Variants in SOX5 observed in about 807,000 individuals in gnomAD.
The protein encoded by SOX5 is transcription factor SOX-5.
SOX5 carries 9 observed loss-of-function variants against 92.0 expected under a neutral mutation model. The ratio of observed to expected loss-of-function variants is 0.10; its 90% confidence interval spans 0.06 to 0.17. The LOEUF (loss-of-function observed/expected upper bound fraction) is 0.17, where lower values mean the gene tolerates loss of function less well. Ranked by LOEUF, SOX5 falls within the 10% of genes least tolerant of loss-of-function variation. SOX5 has a pLI of 1.00. For missense variants in SOX5, 642 were observed against 944.5 expected, an observed-to-expected ratio of 0.68 and a Z score of 4.20; for synonymous variants, 344 against 336.3, an observed-to-expected ratio of 1.02 and a Z score of -0.25.
intron 6 of SOX5, among the ~76,000 whole-genome samples, chr12:23,705,627 A>G (rs903621171): frequency 2.0e-5 from 3 of 151,994 alleles, no homozygotes; most frequent in Non-Finnish European, 2.9e-5. Flanking sequence ...TTATTTTCCT[A>G]CCAGGCATCT....
intron 2 of SOX5, among the ~76,000 whole-genome samples, chr12:23,895,547 C>T (rs1039874531): frequency 1.3e-5 from 2 of 151,936 alleles, no homozygotes; most frequent in South Asian, 4.1e-4. Context: ...TATATTTTTT[C>T]CCCTCTAATT....
At chr12:24,436,713 A>G (rs1044485779) in intron 1 of SOX5, among the ~76,000 whole-genome samples, 12 of 152,214 alleles carry the variant, frequency 7.9e-5, no homozygotes, top group Non-Finnish European at 1.3e-4. Context: ...TAGATAAAAC[A>G]GCCTTATATT....
At chr12:24,291,351 C>T (rs1327634926) in intron 2 of SOX5, among the ~76,000 whole-genome samples, 1 of 152,134 alleles carries the variant, frequency 6.6e-6, no homozygotes, top group Non-Finnish European at 1.5e-5. Context: ...AGCAGGTAAG[C>T]TAAAGAGAGA....
intron 4 of SOX5, among the ~76,000 whole-genome samples, chr12:23,980,572 G>A (rs1186375609): frequency 6.6e-6 from 1 of 152,048 alleles, no homozygotes; most frequent in East Asian, 1.9e-4. Flanking sequence ...CTATTTTTTG[G>A]TTGTCTTAGT....
At chr12:24,344,433 G>A (rs10842329) in intron 2 of SOX5, among the ~76,000 whole-genome samples, 9,157 of 151,984 alleles carry the variant, frequency 0.06, 396 homozygotes, top group Non-Finnish European at 0.087. Flanking sequence ...GAACAACGTC[G>A]GGGAGAAGCT....
intron 7 of SOX5, among the ~76,000 whole-genome samples, chr12:23,658,044 T>C (rs2082535704): frequency 6.6e-6 from 1 of 152,164 alleles, no homozygotes; most frequent in Non-Finnish European, 1.5e-5. Flanking sequence ...TGTGCATATG[T>C]TGGGGTGGAA....
chr12:23,823,184 T>C lies in SOX5; in HGVS notation c.481+22799A>G, dbSNP rs575414959. On this transcript the variant is annotated intron_variant, in intron 3 of 14. Transcript: ENST00000451604. ...TGATGCTAGTTGGTTATTTTGCCTA[T>C]TGTTTGATGCAGTTTCTTCATAGTG... 3.9e-5 allele frequency among the ~76,000 whole-genome samples: 6 copies of C among 152,316 alleles called. No homozygotes were observed. The East Asian group carries it at 1.2e-3, about 29-fold the overall frequency.
rs1228067892 is a variant in SOX5, at chr12:23,533,211, CCAA to C, written c.*1005_*1007del. On this transcript the variant is annotated 3_prime_UTR_variant, in exon 15 of 15. Transcript: ENST00000451604. Reference sequence around the variant, plus strand: ...AGATGTGGGTTTAACTCACAATGGTCCAACGTTATTCCTATTATTAGTACCATA... The same window carrying C: ...AGATGTGGGTTTAACTCACAATGGTCCGTTATTCCTATTATTAGTACCATA... The C allele has an allele frequency of 2.2e-6, 1 of 455,814 alleles. No individual in the cohort carries two copies. The highest frequency in any genetic ancestry group is 2.4e-5 in the Admixed American group (1 of 42,538). The allele number at this position is 455,814 out of a possible 1,614,324, so 28.2% of individuals were successfully genotyped here.
intron 1 of SOX5, among the ~76,000 whole-genome samples, chr12:24,484,281 G>A (rs1280805898): frequency 6.6e-6 from 1 of 152,108 alleles, no homozygotes; most frequent in African/African-American, 2.4e-5. Context: ...ATTTTCTAAA[G>A]ACTTTCCCCT....
chr12:24,447,668 G>T (rs553266990), intron 1 of SOX5, among the ~76,000 whole-genome samples: 1 of 152,186 alleles, frequency 6.6e-6, no homozygotes, highest in African/African-American at 2.4e-5. Flanking sequence ...AGGGTAAATA[G>T]TAACTGTCTA....
intron 8 of SOX5, among the ~76,000 whole-genome samples, chr12:23,614,370 G>A (rs916556847): frequency 2.0e-5 from 3 of 152,160 alleles, no homozygotes; most frequent in Admixed American, 6.5e-5. Context: ...CAGATGTGAG[G>A]TAAAGCTATT....
intron 1 of SOX5, among the ~76,000 whole-genome samples, chr12:24,387,789 C>A (rs1958581776): frequency 6.6e-6 from 1 of 152,150 alleles, no homozygotes; most frequent in Non-Finnish European, 1.5e-5. Context: ...TCTTTGATGA[C>A]AAGCTTCTTT....
intron 3 of SOX5, among the ~76,000 whole-genome samples, chr12:23,774,637 C>T (rs2095042543): frequency 6.6e-6 from 1 of 152,076 alleles, no homozygotes; most frequent in African/African-American, 2.4e-5. Context: ...ACTCCAACAG[C>T]ATCAGCATAG....
intron 4 of SOX5, among the ~76,000 whole-genome samples, chr12:24,125,021 A>G (rs1457685629): frequency 6.6e-6 from 1 of 152,220 alleles, no homozygotes; most frequent in East Asian, 1.9e-4. Flanking sequence ...GATTATAAAT[A>G]TAGCCATTTT....
intron 2 of SOX5, among the ~76,000 whole-genome samples, chr12:23,888,098 C>T (rs373767823): frequency 2.6e-5 from 4 of 152,066 alleles, no homozygotes; most frequent in Admixed American, 2.6e-4. Flanking sequence ...TGATTTTGTG[C>T]TTCTCTTACC....
At chr12:24,008,852 G>A (rs1190892975) in intron 4 of SOX5, among the ~76,000 whole-genome samples, 1 of 152,112 alleles carries the variant, frequency 6.6e-6, no homozygotes, top group Non-Finnish European at 1.5e-5. Flanking sequence ...TCTTAAGATT[G>A]TGTGTTGGCC....
chr12:24,473,259 A>G (rs1333387890), intron 1 of SOX5, among the ~76,000 whole-genome samples: 2 of 151,402 alleles, frequency 1.3e-5, no homozygotes, highest in East Asian at 3.9e-4. Context: ...TCCAAGAGGA[A>G]AAAAAAAAGC....
At chr12:24,053,306 T>G (rs879316335) in intron 4 of SOX5, among the ~76,000 whole-genome samples, 1 of 151,768 alleles carries the variant, frequency 6.6e-6, no homozygotes, top group Non-Finnish European at 1.5e-5. Flanking sequence ...TTTTTTATAC[T>G]GTTAGTAGAG....
At chr12:23,666,793 G>A (rs567852013) in intron 6 of SOX5, among the ~76,000 whole-genome samples, 2 of 152,036 alleles carry the variant, frequency 1.3e-5, no homozygotes, top group African/African-American at 4.8e-5. Context: ...GGATGATGGC[G>A]GTGAAAAAAG....
Sources: gnomAD v4.1 joint callset for allele counts (sites outside exome capture counted in the v4.1 genomes callset) on GRCh38, gnomAD v4.1.1 for gene constraint, MANE v1.5 for transcripts, NCBI Gene and HGNC (gene_info 2026-07-23, HGNC 2026-07-21) for gene names.